Variants in G3BP2 observed in about 807,000 individuals in gnomAD.
G3BP2 encodes the protein ras GTPase-activating protein-binding protein 2.
Under a neutral mutation model 56.7 loss-of-function variants are expected in G3BP2, and 11 were observed. The observed-to-expected ratio is 0.19, with a 90% CI of 0.12 to 0.32. G3BP2 has a LOEUF of 0.32. Among genes scored for constraint, G3BP2 ranks in the 10% least tolerant of loss-of-function variants. G3BP2 has a pLI of 1.00. For missense variants in G3BP2, 340 were observed against 610.9 expected (o/e 0.56, Z 4.67); for synonymous variants, 165 against 191.6 (o/e 0.86, Z 1.15).
At chr4:75,667,233 G>A (rs911731301) in intron 1 of G3BP2, among the ~76,000 whole-genome samples, 13 of 150,400 alleles carry the variant, frequency 8.6e-5, no homozygotes, top group Admixed American at 5.3e-4. Context: ...AGGCTGCAGC[G>A]AGCCAAGATG....
At chr4:75,646,087 G>A (rs1424312860) in intron 11 of G3BP2, among the ~76,000 whole-genome samples, 1 of 152,196 alleles carries the variant, frequency 6.6e-6, no homozygotes, top group Non-Finnish European at 1.5e-5. Flanking sequence ...GGGATTACAA[G>A]TGTGAGCCAC....
chr4:75,664,506 G>A (rs1430773002), intron 1 of G3BP2, among the ~76,000 whole-genome samples: 1 of 152,064 alleles, frequency 6.6e-6, no homozygotes, highest in East Asian at 1.9e-4. Context: ...ATCCCAGGAG[G>A]CAGAGTTTGT....
chr4:75,708,241 G>C (rs1427084045), intron 3 of G3BP2, among the ~76,000 whole-genome samples: 2 of 152,094 alleles, frequency 1.3e-5, no homozygotes, highest in African/African-American at 2.4e-5. Context: ...ACTAGACTTG[G>C]CTCTTACAAA....
At chr4:75,657,781 T>G in intron 3 of G3BP2, 51 bp from the exon 4 acceptor site, 4 of 1,094,632 alleles carry the variant, frequency 3.7e-6, no homozygotes, top group Non-Finnish European at 5.4e-6. Flanking sequence ...CTGCATTACC[T>G]ACACAATAAT....
intron 3 of G3BP2, among the ~76,000 whole-genome samples, chr4:75,691,077 C>A (rs746107291): frequency 1.3e-5 from 2 of 151,636 alleles, no homozygotes; most frequent in Admixed American, 6.6e-5. Context: ...CATTTTGTTT[C>A]ATTTATTCTT....
chr4:75,647,493 T>C (rs1304423803), intron 9 of G3BP2, among the ~76,000 whole-genome samples: 1 of 34,956 alleles, frequency 2.9e-5, no homozygotes, highest in Non-Finnish European at 6.3e-5. Context: ...TAGTGAGGTA[T>C]AGCTTACTAA....
upstream of G3BP2, chr4:75,673,435 C>A: frequency 8.1e-7 from 1 of 1,232,278 alleles, no homozygotes; most frequent in Non-Finnish European, 1.0e-6. Flanking sequence ...GCCACCGCCC[C>A]CTCTTATTGT....
At chr4:75,722,541 G>T (rs1720216626) in intron 1 of G3BP2, among the ~76,000 whole-genome samples, 1 of 152,184 alleles carries the variant, frequency 6.6e-6, no homozygotes, top group South Asian at 2.1e-4. Flanking sequence ...GGGACAAGGT[G>T]AAGTGAGGTT....
At chr4:75,661,709 A>G (rs1732577441) in intron 2 of G3BP2, 1 of 466,472 alleles carries the variant, frequency 2.1e-6, no homozygotes, top group South Asian at 2.8e-5. Context: ...ATATATAGAT[A>G]TGAATGTGTT....
chr4:75,654,415 G>C (rs185161526), intron 7 of G3BP2, among the ~76,000 whole-genome samples: 9 of 152,336 alleles, frequency 5.9e-5, no homozygotes, highest in African/African-American at 7.2e-5. Flanking sequence ...TTCCCCTTTG[G>C]GGGTAAGATA....
chr4:75,664,072 C>T (rs1179574394), intron 1 of G3BP2, among the ~76,000 whole-genome samples: 43 of 151,144 alleles, frequency 2.8e-4, no homozygotes, highest in Admixed American at 2.0e-3. Context: ...TTAGTAGAGA[C>T]GGGGTTTCAC....
chr4:75,646,507 T>C (rs777945544), intron 10 of G3BP2, 51 bp from the exon 11 acceptor site: 17 of 992,208 alleles, frequency 1.7e-5, no homozygotes, highest in African/African-American at 6.4e-5. Flanking sequence ...ACAGAATACC[T>C]TGATGGCTCT....
chr4:75,695,519 C>T (rs1335518132), intron 3 of G3BP2, among the ~76,000 whole-genome samples: 1 of 152,096 alleles, frequency 6.6e-6, no homozygotes, highest in Non-Finnish European at 1.5e-5. Context: ...AAAAGTTAGG[C>T]TTGAAATAGA....
intron 3 of G3BP2, among the ~76,000 whole-genome samples, chr4:75,658,259 T>C (rs770031579): frequency 1.3e-5 from 2 of 152,114 alleles, no homozygotes; most frequent in Non-Finnish European, 2.9e-5. Context: ...ATATAAAACA[T>C]ACCATTTTCT....
upstream of G3BP2, among the ~76,000 whole-genome samples, chr4:75,677,974 CTT>C (rs1300635233): frequency 6.6e-6 from 1 of 152,214 alleles, no homozygotes; most frequent in Non-Finnish European, 1.5e-5. Flanking sequence ...TCATTAGTCT[CTT>C]TTGTGCTTTT....
chr4:75,695,306 TA>T (rs1389380240), intron 3 of G3BP2, among the ~76,000 whole-genome samples: 1 of 152,182 alleles, frequency 6.6e-6, no homozygotes, highest in African/African-American at 2.4e-5. Flanking sequence ...GACTCAATTC[TA>T]AGATCCACAT....
chr4:75,693,139 G>A (rs896975824), intron 3 of G3BP2, among the ~76,000 whole-genome samples: 2 of 152,148 alleles, frequency 1.3e-5, no homozygotes, highest in Non-Finnish European at 2.9e-5. Context: ...AGCCACTCAG[G>A]AGGCTGAGGC....
chr4:75,721,250 CTT>C (rs568380952), intron 2 of G3BP2, among the ~76,000 whole-genome samples: 59 of 134,150 alleles, frequency 4.4e-4, no homozygotes, highest in Admixed American at 6.1e-4. Context: ...CTCAACTAGT[CTT>C]TTTTTTTTTT....
At chr4:75,658,635 G>A (rs560894630) in intron 3 of G3BP2, among the ~76,000 whole-genome samples, 7 of 151,866 alleles carry the variant, frequency 4.6e-5, no homozygotes, top group African/African-American at 1.2e-4. Context: ...GCTGAGGCAG[G>A]AGAACTGCTT....
Sources: gnomAD v4.1 joint callset for allele counts (sites outside exome capture counted in the v4.1 genomes callset) on GRCh38, gnomAD v4.1.1 for gene constraint, MANE v1.5 for transcripts, NCBI Gene and HGNC (gene_info 2026-07-23, HGNC 2026-07-21) for gene names.